The following KANK4 variants were observed in gnomAD, a reference collection of about 807,000 sequenced individuals.
The protein encoded by KANK4 is KN motif and ankyrin repeat domains 4, also known as KN motif and ankyrin repeat domain-containing protein 4.
In KANK4, 50 loss-of-function variants were observed where a neutral mutation model predicts 80.8. The ratio of observed to expected loss-of-function variants is 0.62; its 90% CI spans 0.49 to 0.78. KANK4 has a LOEUF of 0.78. Among genes scored for constraint, KANK4 ranks in the 30% least tolerant of loss-of-function variants. The pLI is 0.00. For synonymous variants in KANK4, 465 were observed against 506.9 expected (o/e 0.92, Z 1.11); for missense variants, 1,196 against 1,240.1 (o/e 0.96, Z 0.53).
In KANK4 at chr1:62,271,642, G is replaced by A; in HGVS notation, c.1901-53C>T. 3 of 1,341,134 alleles carry A rather than the reference G, an allele frequency of 2.2e-6. No individual in the cohort carries two copies. The South Asian group carries it at 3.5e-5, about 16-fold the overall frequency. 83.1% of individuals were successfully genotyped at this position (1,341,134 alleles called of 1,614,324 possible). ...AATGATCTTGGGGATGCATGGGAAT[G>A]TAGCAAAACCAGGATATTGCTTTGA... is the stretch of plus-strand genomic sequence containing the variant. On this transcript the variant is annotated intron_variant, in intron 3 of 9. Coordinates refer to ENST00000371153, the MANE Select transcript of KANK4 (RefSeq NM_181712.5).
chr1:62,261,161 T>TC (rs1357003837), intron 7 of KANK4, among the ~76,000 whole-genome samples: 4 of 146,564 alleles, frequency 2.7e-5, no homozygotes, highest in African/African-American at 1.0e-4. Flanking sequence ...GCTTTTTTTT[T>TC]TTTTTTTTTT....
At chr1:62,286,773 A>T (rs887782045) in intron 1 of KANK4, among the ~76,000 whole-genome samples, 2 of 152,084 alleles carry the variant, frequency 1.3e-5, no homozygotes, top group African/African-American at 4.8e-5. Flanking sequence ...CTGGGGCCCC[A>T]GGACCACATG....
At chr1:62,275,498 T>G (rs1365435958) in intron 2 of KANK4, among the ~76,000 whole-genome samples, 1 of 152,110 alleles carries the variant, frequency 6.6e-6, no homozygotes, top group East Asian at 1.9e-4. Flanking sequence ...ATGGAAGGGT[T>G]TAAAGGATAA....
rs753308318 is a variant in KANK4, at chr1:62,273,472, C to T, written c.1632G>A (p.Gly544=). 4 of 1,613,896 alleles carry T rather than the reference C, an allele frequency of 2.5e-6. No homozygotes were observed. Among genetic ancestry groups the T allele is most frequent in the South Asian group, 1.1e-5 (1 of 91,028 alleles). ...GREETSSNLP[G]KEHPGRPPSS... is the part of the protein sequence containing the mutation. ...TTGGTGGCCTTCCCGGGTGCTCCTT[C>T]CCTGGGAGATTGGAACTGGTCTCCT... is the stretch of plus-strand genomic sequence containing the variant. Residue 544 remains glycine, a synonymous_variant, in exon 3 of 10, where the codon GGG becomes GGA. Transcript: ENST00000371153.
intron 8 of KANK4, among the ~76,000 whole-genome samples, chr1:62,248,496 G>A (rs1163475369): frequency 6.6e-6 from 1 of 151,444 alleles, no homozygotes; most frequent in African/African-American, 2.4e-5. Flanking sequence ...AGCCTCCCAA[G>A]TAGCTGAGCT....
intron 8 of KANK4, among the ~76,000 whole-genome samples, chr1:62,251,311 G>T (rs1234395237): frequency 6.6e-6 from 1 of 152,162 alleles, no homozygotes; most frequent in East Asian, 1.9e-4. Flanking sequence ...CTCGGGCACA[G>T]AAGTCTCATG....
chr1:62,245,893 G>A (rs1406793438), intron 9 of KANK4, among the ~76,000 whole-genome samples: 1 of 152,136 alleles, frequency 6.6e-6, no homozygotes, highest in African/African-American at 2.4e-5. Context: ...TATGTGGCGG[G>A]CACTCTACTA....
intron 4 of KANK4, among the ~76,000 whole-genome samples, chr1:62,270,534 GT>G (rs997311815): frequency 6.6e-6 from 1 of 151,902 alleles, no homozygotes; most frequent in African/African-American, 2.4e-5. Context: ...GCAGGTGCAT[GT>G]CCCCACACCC....
chr1:62,290,747 ATTT>A (rs35975808), intron 1 of KANK4, among the ~76,000 whole-genome samples: 11 of 145,370 alleles, frequency 7.6e-5, no homozygotes, highest in African/African-American at 2.3e-4. Flanking sequence ...GCTGGAAAGG[ATTT>A]TTTTTTTTTT....
rs769836890 is a variant in KANK4 at position 62,238,235 on chromosome 1, G to C, written c.*42C>G. The C allele has an allele frequency of 6.8e-7, 1 of 1,468,444 alleles. No homozygotes were observed. The highest frequency in any genetic ancestry group is 1.7e-5 in the Admixed American group (1 of 59,058). The allele number at this position is 1,468,444 out of a possible 1,614,324, so 91.0% of individuals were successfully genotyped here. Reference sequence around the variant, plus strand: ...TTCAAGGGCGAGGGAGGAGTCCAGAGAAGAAGGCTTTTGTTCCCCACGGCC... The same window carrying C: ...TTCAAGGGCGAGGGAGGAGTCCAGACAAGAAGGCTTTTGTTCCCCACGGCC... On this transcript the variant is annotated 3_prime_UTR_variant, in exon 10 of 10. Coordinates refer to ENST00000371153, the MANE Select transcript of KANK4 (RefSeq NM_181712.5).
At chr1:62,246,568 A>G (rs1671470911) in intron 9 of KANK4, among the ~76,000 whole-genome samples, 2 of 152,128 alleles carry the variant, frequency 1.3e-5, no homozygotes, top group Non-Finnish European at 1.5e-5. Context: ...TAAGACTCCA[A>G]ACATTTACCA....
chr1:62,260,554 C>G (rs2149130453), intron 7 of KANK4, among the ~76,000 whole-genome samples: 1 of 152,248 alleles, frequency 6.6e-6, no homozygotes, highest in South Asian at 2.1e-4. Context: ...CTCCTTCAGC[C>G]AAGACACCCC....
At position 62,319,316 on chromosome 1, in the gene KANK4, C is replaced by A. The variant is rs1346714665; in HGVS notation, c.-281G>T. On this transcript the variant is annotated 5_prime_UTR_variant, in exon 1 of 10. Transcript: ENST00000371153. ...CCGACGGTCTCGGCCCTGGCCCCGGCGCACCCCTGCGGGCACACCCACCGC... is the reference window on the plus strand; with the variant it reads ...CCGACGGTCTCGGCCCTGGCCCCGGAGCACCCCTGCGGGCACACCCACCGC... 6.6e-6 allele frequency: 1 copy of A among 151,932 alleles called. No homozygotes were observed. The highest frequency in any genetic ancestry group is 2.4e-5 in the African/African-American group (1 of 41,416). 9.4% of individuals were successfully genotyped at this position (151,932 alleles called of 1,614,324 possible).
intron 8 of KANK4, among the ~76,000 whole-genome samples, chr1:62,249,719 G>T (rs6421473): frequency 0.75 from 113,992 of 151,696 alleles, 42,965 homozygotes; most frequent in East Asian, 0.83. Flanking sequence ...ATTTTTGTAT[G>T]TTTAGTAGAG....
intron 4 of KANK4, 129 bp from the exon 5 acceptor site, chr1:62,268,634 C>T (rs550245117): frequency 1.4e-6 from 1 of 719,320 alleles, no homozygotes; most frequent in Non-Finnish European, 2.4e-6. Flanking sequence ...CTCTCTACAC[C>T]TGCCGGCAGG....
rs2149108615 is a variant in KANK4, at chr1:62,236,345, A to G, written c.*1932T>C. Among the ~76,000 whole-genome samples the G allele has an allele frequency of 6.6e-6, 1 of 152,294 alleles. No homozygotes were observed. The highest frequency in any genetic ancestry group is 2.1e-4 in the South Asian group (1 of 4,830). ...ATCCCAGGTGATTTGTATGCACATA[A>G]ATGTTCGCGAAGCACCGGGCTAGAA... On this transcript the variant is annotated 3_prime_UTR_variant, in exon 10 of 10. Coordinates refer to ENST00000371153, the MANE Select transcript of KANK4 (RefSeq NM_181712.5).
chr1:62,261,967 C>T (rs1671896131), intron 7 of KANK4, among the ~76,000 whole-genome samples: 1 of 152,206 alleles, frequency 6.6e-6, no homozygotes. Context: ...CCAGCTCCAT[C>T]CCAATTGCTA....
intron 1 of KANK4, among the ~76,000 whole-genome samples, chr1:62,281,946 G>C (rs13374354): frequency 6.6e-6 from 1 of 152,148 alleles, no homozygotes; most frequent in African/African-American, 2.4e-5. Context: ...CAGACTATTC[G>C]TGAAGGTGCT....
At chr1:62,291,112 C>T (rs1165913062) in intron 1 of KANK4, among the ~76,000 whole-genome samples, 1 of 152,182 alleles carries the variant, frequency 6.6e-6, no homozygotes, top group Non-Finnish European at 1.5e-5. Context: ...AAATTATAGC[C>T]ATCCTAGTAG....
Sources: allele counts gnomAD v4.1 joint callset (sites outside exome capture counted in the v4.1 genomes callset), GRCh38; gene constraint gnomAD v4.1.1; transcripts MANE v1.5; gene names NCBI Gene and HGNC (gene_info 2026-07-23, HGNC 2026-07-21).